The following PTPRM variants were observed in gnomAD, a reference collection of about 807,000 sequenced individuals.
PTPRM encodes receptor-type tyrosine-protein phosphatase mu.
In PTPRM, 47 loss-of-function variants were observed where a neutral mutation model predicts 186.7. That is an observed-to-expected ratio of 0.25 (90% CI 0.20 to 0.32). The LOEUF (loss-of-function observed/expected upper bound fraction) is 0.32. Among genes scored for constraint, PTPRM ranks in the 10% least tolerant of loss-of-function variants. The probability of loss-of-function intolerance (pLI) is 1.00; values close to 1 mark genes in which losing one functional copy is unlikely to be tolerated. For synonymous variants in PTPRM, 668 were observed against 674.9 expected, an observed-to-expected ratio of 0.99 and a Z score of 0.16; for missense variants, 1,494 against 1,865.0, an observed-to-expected ratio of 0.80 and a Z score of 3.66.
chr18:7,584,882 G>A (rs548953912), intron 1 of PTPRM, among the ~76,000 whole-genome samples: 1 of 152,238 alleles, frequency 6.6e-6, no homozygotes, highest in Non-Finnish European at 1.5e-5. Context: ...AGCCAGGCCT[G>A]TGCTGAGCAT....
chr18:8,009,491 C>T (rs764862769), intron 7 of PTPRM, among the ~76,000 whole-genome samples: 34 of 152,202 alleles, frequency 2.2e-4, no homozygotes, highest in Admixed American at 3.9e-4. Context: ...AGACAGATCA[C>T]GAGGTCAGGA....
chr18:7,706,227 AAG>A (rs1479506184), intron 1 of PTPRM, among the ~76,000 whole-genome samples: 1 of 151,912 alleles, frequency 6.6e-6, no homozygotes, highest in Non-Finnish European at 1.5e-5. Context: ...AGTGACAAGA[AAG>A]AGGCAATAAA....
chr18:7,740,353 T>TG (rs2040862015), intron 1 of PTPRM, among the ~76,000 whole-genome samples: 1 of 152,192 alleles, frequency 6.6e-6, no homozygotes, highest in African/African-American at 2.4e-5. Context: ...GATTGCAACC[T>TG]GGGGGCATAA....
intron 7 of PTPRM, among the ~76,000 whole-genome samples, chr18:8,047,782 A>C (rs1179072309): frequency 6.6e-6 from 1 of 152,068 alleles, no homozygotes; most frequent in East Asian, 1.9e-4. Flanking sequence ...GGGCTGTGCA[A>C]CCCACACTCT....
chr18:7,873,355 G>A (rs754406899), intron 2 of PTPRM, among the ~76,000 whole-genome samples: 5 of 152,146 alleles, frequency 3.3e-5, no homozygotes, highest in Admixed American at 2.6e-4. Context: ...ACTCTGAGAT[G>A]TGCTATGAAA....
intron 1 of PTPRM, among the ~76,000 whole-genome samples, chr18:7,758,527 T>C (rs1179261961): frequency 2.0e-5 from 3 of 152,206 alleles, no homozygotes; most frequent in Admixed American, 6.5e-5. Flanking sequence ...TTAGTGGCTC[T>C]AGCAATTAAC....
intron 1 of PTPRM, among the ~76,000 whole-genome samples, chr18:7,687,924 C>T (rs1267648710): frequency 6.6e-6 from 1 of 151,946 alleles, no homozygotes; most frequent in Non-Finnish European, 1.5e-5. Flanking sequence ...ACTACAGGCA[C>T]ACGCCACCAT....
intron 1 of PTPRM, among the ~76,000 whole-genome samples, chr18:7,673,050 A>AT: frequency 6.6e-6 from 1 of 152,188 alleles, no homozygotes; most frequent in Non-Finnish European, 1.5e-5. Context: ...TTTCTAACCT[A>AT]TATCAATGCT....
rs768568160 is a variant in PTPRM, at chr18:8,111,673, C to T, written c.1857-1813C>T. On this transcript the variant is annotated intron_variant, in intron 11 of 32. Transcript: ENST00000580170. ...TTTGCAAAGAAAATAATTATTCTTA[C>T]GGTTTCTCTATTTTGTGAGATCAGT... Among the ~76,000 whole-genome samples the T allele has an allele frequency of 3.9e-5, 6 of 152,042 alleles. No homozygotes were observed. The South Asian group carries it at 1.0e-3, about 26-fold the overall frequency.
chr18:8,202,523 G>T lies in PTPRM; in HGVS notation c.2301-41535G>T, dbSNP rs182154521. Among the ~76,000 whole-genome samples, 252 of 151,910 alleles carry T rather than the reference G, an allele frequency of 1.7e-3. 1 individual carries two copies. The highest frequency in any genetic ancestry group is 5.7e-3 in the African/African-American group (238 of 41,456). ...CAAAAAAGTGGGGAGAGGGGAGAAA[G>T]ATTAAGATGTTTCTGTCTGGTTTCA... On this transcript the variant is annotated intron_variant, in intron 14 of 32. Transcript: ENST00000580170.
rs765723090 is a variant in PTPRM, at chr18:8,394,484, G to A, written c.4217G>A (p.Gly1406Glu). 6.8e-6 allele frequency: 11 copies of A among 1,611,282 alleles called. No individual in the cohort carries two copies. Among genetic ancestry groups the A allele is most frequent in the Non-Finnish European group, 9.3e-6 (11 of 1,178,678 alleles). Residue 1406 changes from glycine to glutamate, a missense_variant, in exon 32 of 33, where the codon GGA (glycine) becomes GAA (glutamate). By Grantham distance (98) the Gly-to-Glu change is moderately conservative. This residue lies in a region of PTPRM where 1,107 missense variants were observed against 1,350.2 expected (regional missense o/e 0.82). Transcript: ENST00000580170. The stretch of plus-strand genomic sequence containing the variant: ...GATCTTTTTCACGACAGGAACGGGG[G>A]AGGCCGCAGTGGGACGTTCTGCGCC... ...GRTVVHCLNG[G>E]GRSGTFCAIS...
At chr18:8,108,258 A>C (rs2091608139) in intron 11 of PTPRM, among the ~76,000 whole-genome samples, 1 of 152,162 alleles carries the variant, frequency 6.6e-6, no homozygotes, top group African/African-American at 2.4e-5. Context: ...GCCAAAAGTC[A>C]CTACTAGATA....
At chr18:7,943,730 G>A (rs563460685) in intron 5 of PTPRM, among the ~76,000 whole-genome samples, 13 of 152,140 alleles carry the variant, frequency 8.5e-5, no homozygotes, top group East Asian at 3.9e-4. Context: ...TTCAGAGCCC[G>A]TCGGCACAAC....
At chr18:8,285,521 CG>C (rs1434185440) in intron 19 of PTPRM, among the ~76,000 whole-genome samples, 2 of 152,132 alleles carry the variant, frequency 1.3e-5, no homozygotes, top group African/African-American at 2.4e-5. Flanking sequence ...CGTTAGTTGT[CG>C]TTCAATACTT....
At chr18:7,793,261 C>G (rs1447147059) in intron 2 of PTPRM, among the ~76,000 whole-genome samples, 2 of 152,172 alleles carry the variant, frequency 1.3e-5, no homozygotes, top group Non-Finnish European at 1.5e-5. Context: ...ACTACGTGAC[C>G]TCATTCAGGT....
chr18:8,383,131 C>T (rs1174584421), intron 29 of PTPRM, among the ~76,000 whole-genome samples: 1 of 151,572 alleles, frequency 6.6e-6, no homozygotes, highest in Non-Finnish European at 1.5e-5. Context: ...AACCCCCTCT[C>T]CACTAAAAAT....
chr18:7,994,265 A>AACACACAC (rs71165762), intron 7 of PTPRM, among the ~76,000 whole-genome samples: 162 of 149,010 alleles, frequency 1.1e-3, no homozygotes, highest in African/African-American at 3.5e-3. Context: ...GGATATAAAT[A>AACACACAC]ACACACACAC....
At chr18:7,572,420 A>G (rs1482250395) in intron 1 of PTPRM, among the ~76,000 whole-genome samples, 1 of 152,198 alleles carries the variant, frequency 6.6e-6, no homozygotes, top group Non-Finnish European at 1.5e-5. Flanking sequence ...CAATTCTAGA[A>G]AAGTCAATAC....
At chr18:8,072,135 G>A (rs978060308) in intron 8 of PTPRM, among the ~76,000 whole-genome samples, 1 of 152,122 alleles carries the variant, frequency 6.6e-6, no homozygotes, top group Admixed American at 6.5e-5. Context: ...GTGATATTGA[G>A]TAAGTAATAA....
Sources: gnomAD v4.1 joint callset for allele counts (sites outside exome capture counted in the v4.1 genomes callset) on GRCh38, gnomAD v4.1.1 for gene constraint, gnomAD v4.1.1 regional missense constraint, MANE v1.5 for transcripts, NCBI Gene and HGNC (gene_info 2026-07-23, HGNC 2026-07-21) for gene names.